NRG4: variants seen among roughly 807,000 people sequenced by gnomAD.
NRG4 encodes the protein neuregulin 4, also known as pro-neuregulin-4, membrane-bound isoform.
A neutral mutation model predicts 15.0 loss-of-function variants in NRG4; 10 were observed. The observed-to-expected ratio is 0.67, with a 90% CI of 0.41 to 1.13. NRG4 has a LOEUF of 1.13. NRG4 is among the 50% of genes most tolerant of loss of function. The pLI is 0.00. For missense variants in NRG4, 139 were observed against 140.2 expected (o/e 0.99, Z 0.04); for synonymous variants, 41 against 50.1 (o/e 0.82, Z 0.77).
intron 1 of NRG4, among the ~76,000 whole-genome samples, chr15:76,058,649 C>G (rs1286732303): frequency 6.6e-6 from 1 of 152,134 alleles, no homozygotes; most frequent in African/African-American, 2.4e-5. Context: ...AGAAGAGGTA[C>G]AAGAATCAGA....
chr15:76,048,031 G>A lies in NRG4; in HGVS notation c.-105+4036C>T, dbSNP rs577913819. On this transcript the variant is annotated intron_variant, in intron 4 of 8. Transcript: ENST00000563910. ...TAATTAGCTGACTGTGATGGCACAG[G>A]CCTGTAGTCCCAGCTACTCCAGAGG... is the stretch of plus-strand genomic sequence containing the variant. Among the ~76,000 whole-genome samples the A allele has an allele frequency of 2.7e-5, 4 of 149,596 alleles. No individual in the cohort carries two copies. In the East Asian group the frequency reaches 7.8e-4, roughly 29 times the overall value.
chr15:76,024,961 AAAC>A lies in NRG4; in HGVS notation c.-57+10980_-57+10982del, dbSNP rs982716292. On this transcript the variant is annotated intron_variant, in intron 5 of 8. Coordinates refer to the NRG4 transcript ENST00000563910. ...AATGCATAGAAATTAATGTAAGCAA[AAAC>A]AAACAAAAAACAACAAACAACAACA... Among the ~76,000 whole-genome samples the A allele has an allele frequency of 1.2e-4, 19 of 152,328 alleles. 1 individual carries two copies. Among genetic ancestry groups the A allele is most frequent in the African/African-American group, 4.6e-4 (19 of 41,574 alleles).
rs183142291 is a variant in NRG4, at chr15:75,963,811, G to A, written c.105-1837C>T. 2.4e-3 allele frequency among the ~76,000 whole-genome samples: 361 copies of A among 151,264 alleles called. 3 individuals carry two copies. The highest frequency in any genetic ancestry group is 1.9e-3 in the Non-Finnish European group (128 of 67,828). ...AAAAAAAAAAAATTAGCCAAGCATG[G>A]TTGTACCCGTAGTCCCAGCTACTCT... On this transcript the variant is annotated intron_variant, in intron 3 of 5. Coordinates refer to ENST00000394907, the MANE Select transcript of NRG4 (RefSeq NM_138573.4).
intron 3 of NRG4, among the ~76,000 whole-genome samples, chr15:75,964,662 A>G (rs113089151): frequency 0.018 from 2,798 of 152,262 alleles, 80 homozygotes; most frequent in African/African-American, 0.063. Flanking sequence ...ACAGTGGCTC[A>G]TGCCTGTAAT....
intron 3 of NRG4, among the ~76,000 whole-genome samples, chr15:76,006,573 G>A (rs1475042411): frequency 6.6e-6 from 1 of 152,052 alleles, no homozygotes. Context: ...CATTCACGTT[G>A]CAAAGAGGGT....
chr15:76,057,864 T>C (rs1354094806), intron 1 of NRG4, among the ~76,000 whole-genome samples: 2 of 151,050 alleles, frequency 1.3e-5, no homozygotes, highest in Non-Finnish European at 2.9e-5. Context: ...CAATGGCTAT[T>C]ATACTATAAA....
chr15:75,961,681 A>T (rs2032527170), intron 4 of NRG4, 147 bp downstream of exon 4: 1 of 589,676 alleles, frequency 1.7e-6, no homozygotes, highest in African/African-American at 1.9e-5. Flanking sequence ...TCAAAAATGA[A>T]ATTAGTAACA....
intron 3 of NRG4, among the ~76,000 whole-genome samples, chr15:75,990,681 T>TG (rs1456173639): frequency 1.7e-4 from 25 of 145,054 alleles, no homozygotes; most frequent in Admixed American, 2.7e-4. Flanking sequence ...GTTTTTTTTT[T>TG]TTGTTTTTTT....
intron 5 of NRG4, among the ~76,000 whole-genome samples, chr15:76,023,892 T>C (rs1337387741): frequency 6.6e-6 from 1 of 152,178 alleles, no homozygotes; most frequent in East Asian, 1.9e-4. Flanking sequence ...GCTAAACTGC[T>C]GCACACTCTC....
chr15:76,025,896 G>T (rs1410810218), intron 5 of NRG4, among the ~76,000 whole-genome samples: 1 of 151,402 alleles, frequency 6.6e-6, no homozygotes, highest in Non-Finnish European at 1.5e-5. Context: ...AAAAAAAAAT[G>T]CAAGTGAGAG....
chr15:75,951,619 C>T (rs2031909243), intron 5 of NRG4, among the ~76,000 whole-genome samples: 1 of 152,176 alleles, frequency 6.6e-6, no homozygotes, highest in Admixed American at 6.5e-5. Flanking sequence ...TTACAGGTTG[C>T]TCTAGAGTTT....
intron 4 of NRG4, among the ~76,000 whole-genome samples, chr15:76,049,317 T>C (rs2035943752): frequency 6.6e-6 from 1 of 150,846 alleles, no homozygotes; most frequent in Admixed American, 6.6e-5. Flanking sequence ...GTTCCTAATT[T>C]TTCCTCAACT....
At chr15:76,038,336 G>A (rs1009987025) in intron 4 of NRG4, among the ~76,000 whole-genome samples, 6 of 152,234 alleles carry the variant, frequency 3.9e-5, no homozygotes, top group African/African-American at 7.2e-5. Context: ...GCCTTGGCTC[G>A]TGGATGGCAT....
rs140236247 is a variant in NRG4, at chr15:76,018,457, C to T, written c.-56-7171G>A. Among the ~76,000 whole-genome samples, 956 of 152,300 alleles carry T rather than the reference C, an allele frequency of 6.3e-3. 11 individuals carry two copies. The highest frequency in any genetic ancestry group is 0.021 in the African/African-American group (866 of 41,554). ...TTTTGTGCTGGTTTTTCCTCATCTT[C>T]GTGGATGTATCTACCTTTGGCCTTT... On this transcript the variant is annotated intron_variant, in intron 5 of 8. Coordinates refer to the NRG4 transcript ENST00000563910.
intron 4 of NRG4, among the ~76,000 whole-genome samples, chr15:75,961,416 A>G (rs1002637096): frequency 2.6e-5 from 4 of 152,118 alleles, no homozygotes; most frequent in African/African-American, 9.7e-5. Context: ...CTTTATGCCT[A>G]GCACAATAGT....
At chr15:76,021,475 T>A (rs1399852876) in intron 5 of NRG4, among the ~76,000 whole-genome samples, 1 of 152,274 alleles carries the variant, frequency 6.6e-6, no homozygotes, top group African/African-American at 2.4e-5. Flanking sequence ...TTGTGATATT[T>A]GCTTTATTGC....
rs1400175125 is a variant in NRG4, at chr15:75,977,817, A to G, written c.105-15843T>C. Among the ~76,000 whole-genome samples the G allele has an allele frequency of 6.6e-6, 1 of 151,476 alleles. No individual in the cohort carries two copies. The highest frequency in any genetic ancestry group is 1.9e-4 in the East Asian group (1 of 5,150). Reference sequence around the variant, plus strand: ...TCCCAATCTTCTCTTCCAGCTTTTTATTTTTATTTTATTTTTTTAAATGGA... The same window carrying G: ...TCCCAATCTTCTCTTCCAGCTTTTTGTTTTTATTTTATTTTTTTAAATGGA... On this transcript the variant is annotated intron_variant, in intron 3 of 5. Coordinates refer to ENST00000394907, the MANE Select transcript of NRG4 (RefSeq NM_138573.4). The surrounding 1 kb of genome is among the most constrained non-coding windows in gnomAD (Gnocchi z 4.9).
intron 3 of NRG4, among the ~76,000 whole-genome samples, chr15:75,975,840 C>T (rs2033341610): frequency 6.6e-6 from 1 of 151,994 alleles, no homozygotes; most frequent in Non-Finnish European, 1.5e-5. Context: ...CTTGGGGTTG[C>T]TCTTCTTGAG....
intron 5 of NRG4, among the ~76,000 whole-genome samples, chr15:76,024,624 C>T (rs1485768822): frequency 6.6e-6 from 1 of 152,190 alleles, no homozygotes; most frequent in Non-Finnish European, 1.5e-5. Context: ...AACTCCAAGG[C>T]CCCAACCCCA....
Sources: gnomAD v4.1 joint callset for allele counts (sites outside exome capture counted in the v4.1 genomes callset) on GRCh38, gnomAD v4.1.1 for gene constraint, Gnocchi (gnomAD v3.1) non-coding constraint, MANE v1.5 for transcripts, NCBI Gene and HGNC (gene_info 2026-07-23, HGNC 2026-07-21) for gene names.